The following FAM149A variants were observed in gnomAD, a reference collection of about 807,000 sequenced individuals.
FAM149A encodes family with sequence similarity 149 member A.
A neutral mutation model predicts 78.2 loss-of-function variants in FAM149A; 71 were observed. The observed-to-expected ratio is 0.91, with a 90% CI of 0.75 to 1.11. The LOEUF is 1.11. Among genes scored for constraint, FAM149A ranks in the 50% least tolerant of loss-of-function variants. FAM149A has a pLI of 0.00. For missense variants in FAM149A, 1,036 were observed against 971.0 expected (o/e 1.07, Z -0.89); for synonymous variants, 446 against 410.5 (o/e 1.09, Z -1.04).
intron 1 of FAM149A, among the ~76,000 whole-genome samples, chr4:186,135,954 A>G (rs1336292702): frequency 1.3e-5 from 2 of 152,186 alleles, no homozygotes; most frequent in African/African-American, 4.8e-5. Flanking sequence ...TGGAGGCACC[A>G]CGCGTGTGGA....
At chr4:186,125,882 C>T (rs1245378113) in intron 1 of FAM149A, 10 of 985,190 alleles carry the variant, frequency 1.0e-5, no homozygotes, top group African/African-American at 1.7e-5. Flanking sequence ...TGGAATCACA[C>T]GAACGAGTGT....
At chr4:186,143,565 G>A (rs1047211812) in intron 1 of FAM149A, among the ~76,000 whole-genome samples, 6 of 151,668 alleles carry the variant, frequency 4.0e-5, no homozygotes, top group Admixed American at 6.6e-5. Flanking sequence ...TTGTTTTTTT[G>A]AGACAGAGTC....
intron 1 of FAM149A, among the ~76,000 whole-genome samples, chr4:186,121,091 A>G (rs1421719203): frequency 6.6e-6 from 1 of 151,982 alleles, no homozygotes; most frequent in Non-Finnish European, 1.5e-5. Flanking sequence ...TCATTTTTTC[A>G]ACTCTTTTCC....
rs551011111 is a variant in FAM149A, at chr4:186,147,710, A to G, written c.567-1463A>G. ...CTATTTGATGTAACTTTTAGTTGTT[A>G]TTTTATGTCATTAGTATTTGTATGT... On this transcript the variant is annotated intron_variant, in intron 1 of 13. Transcript: ENST00000389354. 2.6e-5 allele frequency among the ~76,000 whole-genome samples: 4 copies of G among 152,300 alleles called. No individual in the cohort carries two copies. The East Asian group carries it at 7.7e-4, about 29-fold the overall frequency.
In FAM149A at chr4:186,164,621, C is replaced by T. The variant is rs186860298; in HGVS notation, c.1890-723C>T. 2.5e-5 allele frequency: 9 copies of T among 363,450 alleles called. No homozygotes were observed. The East Asian group carries it at 6.6e-4, about 27-fold the overall frequency. 22.5% of individuals were successfully genotyped at this position (363,450 alleles called of 1,614,324 possible). A position where few individuals can be genotyped will look rare whatever the true frequency, so the allele number is the denominator to read the frequency against. Reference sequence around the variant, plus strand: ...CGAGATCCCTCTCCCTCCTCCGCCTCGCTTCCCCCCATGCCAGTCAGCAGC... The same window carrying T: ...CGAGATCCCTCTCCCTCCTCCGCCTTGCTTCCCCCCATGCCAGTCAGCAGC... On this transcript the variant is annotated intron_variant, in intron 10 of 13. Coordinates refer to ENST00000389354, the MANE Select transcript of FAM149A (RefSeq NM_001367768.3). The surrounding 1 kb of genome is among the most constrained non-coding windows in gnomAD (Gnocchi z 4.0).
chr4:186,125,832 C>G (rs572513453), intron 1 of FAM149A: 1 of 985,246 alleles, frequency 1.0e-6, no homozygotes, highest in Non-Finnish European at 1.2e-6. Context: ...AAAAGAAATA[C>G]GAGGTAGGGA....
At chr4:186,107,864 ATAC>A (rs879354745) in intron 1 of FAM149A, 2 of 152,268 alleles carry the variant, frequency 1.3e-5, no homozygotes, top group Non-Finnish European at 2.9e-5. Context: ...CCCTCTGAGC[ATAC>A]CATTTTTCCT....
intron 1 of FAM149A, among the ~76,000 whole-genome samples, chr4:186,113,288 T>C (rs2099312100): frequency 8.0e-6 from 1 of 124,612 alleles, no homozygotes; most frequent in South Asian, 3.1e-4. Context: ...TCTTCTCTCT[T>C]TTTTTATTAG....
At chr4:186,160,381 ACAC>A (rs201932435) in intron 8 of FAM149A, among the ~76,000 whole-genome samples, 1,864 of 146,046 alleles carry the variant, frequency 0.013, 41 homozygotes, top group African/African-American at 0.046. Flanking sequence ...ACATACACAC[ACAC>A]CACTCACACA....
chr4:186,154,396 G>T (rs867038637), intron 5 of FAM149A, 72 bp from the exon 6 acceptor site: 2 of 1,278,828 alleles, frequency 1.6e-6, no homozygotes, highest in Non-Finnish European at 2.2e-6. Flanking sequence ...TGAAAGATCC[G>T]CCATGATCGT....
chr4:186,150,613 G>T (rs1579880478), intron 3 of FAM149A, among the ~76,000 whole-genome samples: 1 of 138,846 alleles, frequency 7.2e-6, no homozygotes, highest in African/African-American at 2.7e-5. Context: ...TAGAGACGGG[G>T]TTTCACCGTG....
intron 3 of FAM149A, among the ~76,000 whole-genome samples, chr4:186,150,103 G>A (rs78703580): frequency 0.082 from 12,199 of 148,366 alleles, 829 homozygotes; most frequent in African/African-American, 0.18. Context: ...ATTCCCAGTC[G>A]GATATTTCAC....
chr4:186,162,095 C>T (rs1294499683), intron 8 of FAM149A, among the ~76,000 whole-genome samples: 1 of 152,184 alleles, frequency 6.6e-6, no homozygotes, highest in Non-Finnish European at 1.5e-5. Context: ...CCTTAGCTCA[C>T]GCTTTCTGTC....
chr4:186,174,052 A>G lies in FAM149A; in HGVS notation c.*2065A>G, dbSNP rs1213667323. On this transcript the variant is annotated 3_prime_UTR_variant, in exon 14 of 14. Transcript: ENST00000389354. ...TATTTTATGTCCATTTCCAGGAACCATCCAACTCCTTCCCTATTCAGTCCA... is the reference window on the plus strand; with the variant it reads ...TATTTTATGTCCATTTCCAGGAACCGTCCAACTCCTTCCCTATTCAGTCCA... 9.6e-6 allele frequency among the ~76,000 whole-genome samples: 1 copy of G among 104,224 alleles called. No homozygotes were observed. Among genetic ancestry groups the G allele is most frequent in the African/African-American group, 3.1e-5 (1 of 32,120 alleles). The allele number at this position is 104,224 out of a possible 152,430, so 68.4% of individuals were successfully genotyped here.
Position 186,105,183 on chromosome 4 carries a change from C to T in FAM149A, c.107C>T (p.Ala36Val), listed in dbSNP as rs1195671882. The change falls in exon 1 of 14, where the codon GCT (alanine) becomes GTT (valine). Residue 36 changes from alanine (A) to valine (V), a missense_variant. By Grantham distance (64) the Ala-to-Val change is moderately conservative. Transcript: ENST00000389354. The stretch of plus-strand genomic sequence containing the variant: ...TCCAGACCCTCGGGAGGTGCTGCCG[C>T]TGCAGGGTCGGGGGGCTCCAGGGCG... 1.6e-6 allele frequency: 2 copies of T among 1,275,378 alleles called. No individual in the cohort carries two copies. Among genetic ancestry groups the T allele is most frequent in the Non-Finnish European group, 2.0e-6 (2 of 982,876 alleles). 79.0% of individuals were successfully genotyped at this position (1,275,378 alleles called of 1,614,324 possible).
At chr4:186,123,280 TTAGTTTATG>T in intron 1 of FAM149A, 1 of 985,266 alleles carries the variant, frequency 1.0e-6, no homozygotes, top group Non-Finnish European at 1.2e-6. Flanking sequence ...AGTATGGTTG[TTAGTTTATG>T]TAGTTTATAC....
chr4:186,160,071 C>A (rs1191097031), intron 8 of FAM149A, among the ~76,000 whole-genome samples: 1 of 143,884 alleles, frequency 7.0e-6, no homozygotes, highest in South Asian at 2.3e-4. Context: ...CACGCACACA[C>A]CACACACCAA....
chr4:186,146,933 G>A (rs775173551), intron 1 of FAM149A: 21 of 985,314 alleles, frequency 2.1e-5, no homozygotes, highest in East Asian at 1.1e-4. Flanking sequence ...TTTGTGTGAC[G>A]AGTGTTATTT....
chr4:186,157,703 G>T lies in FAM149A; in HGVS notation c.1559G>T (p.Arg520Leu). ...GCTCACGGCATCTCCCTGGCTTCTC[G>T]TCTGAACCCGCCCCAGGTCGGTGCT... The change falls in exon 8 of 14, where the codon CGT becomes CTT. Residue 520 changes from arginine (R) to leucine (L), a missense_variant. Physicochemically the swap from Arg to Leu is moderately radical, Grantham distance 102. Transcript: ENST00000389354. The T allele has an allele frequency of 6.2e-7, 1 of 1,610,870 alleles. No homozygotes were observed. The highest frequency in any genetic ancestry group is 2.2e-5 in the East Asian group (1 of 44,832).
Sources: gnomAD v4.1 joint callset for allele counts (sites outside exome capture counted in the v4.1 genomes callset) on GRCh38, gnomAD v4.1.1 for gene constraint, Gnocchi (gnomAD v3.1) non-coding constraint, MANE v1.5 for transcripts, NCBI Gene and HGNC (gene_info 2026-07-23, HGNC 2026-07-21) for gene names.